The following MBP variants were observed in gnomAD, a reference collection of about 807,000 sequenced individuals.
MBP encodes the protein myelin basic protein, also known as Golli-MBP.
MBP carries 16 observed loss-of-function variants against 35.8 expected under a neutral mutation model. The observed-to-expected ratio is 0.45, with a 90% CI of 0.30 to 0.68. The LOEUF (loss-of-function observed/expected upper bound fraction) is 0.68. Among genes scored for constraint, MBP ranks in the 30% least tolerant of loss-of-function variants. The probability of loss-of-function intolerance (pLI) is 0.08; values close to 1 mark genes in which losing one functional copy is unlikely to be tolerated. For synonymous variants in MBP, 143 were observed against 159.6 expected, an observed-to-expected ratio of 0.90 and a Z score of 0.78; for missense variants, 380 against 404.7, an observed-to-expected ratio of 0.94 and a Z score of 0.52.
At chr18:77,035,549 C>T (rs997006018) in intron 3 of MBP, among the ~76,000 whole-genome samples, 13 of 152,214 alleles carry the variant, frequency 8.5e-5, no homozygotes, top group East Asian at 3.8e-4. Context: ...GGATGAGAAA[C>T]GTGCATCACT....
At chr18:76,993,579 C>G (rs900394691) in intron 4 of MBP, among the ~76,000 whole-genome samples, 1 of 151,706 alleles carries the variant, frequency 6.6e-6, no homozygotes, top group Non-Finnish European at 1.5e-5. Context: ...CAAAAGATCC[C>G]ATTTTATCCC....
Position 77,090,904 on chromosome 18 carries a change from G to A in MBP, c.51+14307C>T, listed in dbSNP as rs527275704. Among the ~76,000 whole-genome samples the A allele has an allele frequency of 1.1e-4, 16 of 152,198 alleles. No individual in the cohort carries two copies. The South Asian group carries it at 1.7e-3, about 16-fold the overall frequency. Reference sequence around the variant, plus strand: ...GGCGACCTCACACAGGACCAGGGCCGGACGGGGCAGAAGGGAGGAAGAGTT... The same window carrying A: ...GGCGACCTCACACAGGACCAGGGCCAGACGGGGCAGAAGGGAGGAAGAGTT... On this transcript the variant is annotated intron_variant, in intron 2 of 8. Transcript: ENST00000355994.
chr18:77,085,995 GGAGA>G (rs199553710), intron 2 of MBP, among the ~76,000 whole-genome samples: 2,062 of 152,150 alleles, frequency 0.014, 21 homozygotes, highest in Non-Finnish European at 0.02. Flanking sequence ...AGTGCAATAA[GGAGA>G]GAGAGAGTGA....
intron 2 of MBP, among the ~76,000 whole-genome samples, chr18:77,077,852 C>A (rs1204793845): frequency 6.6e-6 from 1 of 152,230 alleles, no homozygotes; most frequent in Non-Finnish European, 1.5e-5. Flanking sequence ...CCAGGATCAC[C>A]AAGGGAGGAT....
chr18:77,046,032 T>G (rs1449523711), intron 3 of MBP, among the ~76,000 whole-genome samples: 2 of 152,238 alleles, frequency 1.3e-5, no homozygotes, highest in Non-Finnish European at 2.9e-5. Context: ...GCTTCATTCA[T>G]GTAATATTAT....
At chr18:77,014,322 T>C in intron 4 of MBP, 1 of 984,262 alleles carries the variant, frequency 1.0e-6, no homozygotes, top group Non-Finnish European at 1.2e-6. Context: ...CACAGGAGGG[T>C]GGGAGGAGGA....
chr18:77,069,066 C>T, intron 2 of MBP: 1 of 463,194 alleles, frequency 2.2e-6, no homozygotes. Flanking sequence ...TACAGAAACT[C>T]CCAGAACAGT....
chr18:77,122,153 AAGTATT>A (rs1213619823), intron 1 of MBP, among the ~76,000 whole-genome samples: 6 of 152,212 alleles, frequency 3.9e-5, no homozygotes, highest in African/African-American at 1.4e-4. Flanking sequence ...TTTATGCAAC[AAGTATT>A]AGGGACTGTG....
chr18:77,062,137 C>A (rs370883687), intron 3 of MBP, among the ~76,000 whole-genome samples: 45 of 152,302 alleles, frequency 3.0e-4, no homozygotes, highest in African/African-American at 9.1e-4. Flanking sequence ...AGTCAGTCAC[C>A]GGGGCAGTAG....
intron 3 of MBP, among the ~76,000 whole-genome samples, chr18:77,053,956 C>A (rs991182961): frequency 6.6e-6 from 1 of 152,248 alleles, no homozygotes; most frequent in Non-Finnish European, 1.5e-5. Context: ...GACTGTACTG[C>A]CCCACTCTGC....
At chr18:77,025,705 CTTTTT>C (rs540022394) in intron 3 of MBP, among the ~76,000 whole-genome samples, 8 of 108,830 alleles carry the variant, frequency 7.4e-5, no homozygotes, top group Admixed American at 5.1e-4. Context: ...TATTGAAATA[CTTTTT>C]TTTTTTTTTT....
chr18:77,050,165 G>A (rs896501648), intron 3 of MBP, among the ~76,000 whole-genome samples: 1 of 152,152 alleles, frequency 6.6e-6, no homozygotes, highest in Non-Finnish European at 1.5e-5. Context: ...TTCATCTCTT[G>A]ACTTCAAGAA....
intron 1 of MBP, chr18:77,114,687 G>A (rs1429915341): frequency 6.6e-6 from 1 of 152,332 alleles, no homozygotes; most frequent in Non-Finnish European, 1.5e-5. Flanking sequence ...GGAGGGCAGA[G>A]TCACGCAGGC....
At chr18:77,012,727 G>A (rs1009310554) in intron 4 of MBP, 48 of 940,968 alleles carry the variant, frequency 5.1e-5, no homozygotes, top group Non-Finnish European at 6.0e-5. Context: ...GCACACTGAC[G>A]TGGTGGGGGC....
rs1238395559 is a variant in MBP at position 76,988,689 on chromosome 18, T to C, written c.718-162A>G. 15 of 1,418,614 alleles carry C rather than the reference T, an allele frequency of 1.1e-5. No homozygotes were observed. Among genetic ancestry groups the C allele is most frequent in the African/African-American group, 1.4e-5 (1 of 69,864 alleles). 87.9% of individuals were successfully genotyped at this position (1,418,614 alleles called of 1,614,324 possible). On this transcript the variant is annotated intron_variant, in intron 6 of 8. Transcript: ENST00000355994. This position sits in a 1 kb window ranked among gnomAD's most constrained non-coding sequence, Gnocchi z 5.2. ...CGCAGGCTCAGGGCCACAGCGGCTG[T>C]GCAGGTGCGGGAGGGACAGGAGGGG...
At chr18:77,013,999 A>G (rs759006742) in intron 4 of MBP, 8 of 985,288 alleles carry the variant, frequency 8.1e-6, no homozygotes, top group African/African-American at 1.7e-5. Context: ...GCACACGACA[A>G]TCTTGGCCCT....
intron 3 of MBP, among the ~76,000 whole-genome samples, chr18:77,034,826 G>A (rs58501595): frequency 6.9e-4 from 105 of 152,256 alleles, no homozygotes; most frequent in Middle Eastern, 3.4e-3. Context: ...GGTGGGCGAC[G>A]TCCTCTTTGT....
rs1035445225 is a variant in MBP at position 76,988,225 on chromosome 18, G to A, written c.750+270C>T. ...CCCTGGGAGGGAGACCAGTCACGTC[G>A]CCTGGGAACCCTCTGGGAGAAGAGG... On this transcript the variant is annotated intron_variant, in intron 7 of 8. Coordinates refer to ENST00000355994, the MANE Select transcript of MBP (RefSeq NM_001025101.2). The surrounding 1 kb of genome is among the most constrained non-coding windows in gnomAD (Gnocchi z 5.2). The A allele has an allele frequency of 3.0e-5, 47 of 1,549,310 alleles. No individual in the cohort carries two copies. The highest frequency in any genetic ancestry group is 9.8e-5 in the Admixed American group (5 of 51,002).
At chr18:77,077,541 G>A (rs1283125552) in intron 2 of MBP, among the ~76,000 whole-genome samples, 1 of 152,094 alleles carries the variant, frequency 6.6e-6, no homozygotes, top group Non-Finnish European at 1.5e-5. Flanking sequence ...CTAGACACCT[G>A]TTAAAGAAAA....
Sources: gnomAD v4.1 joint callset for allele counts (sites outside exome capture counted in the v4.1 genomes callset) on GRCh38, gnomAD v4.1.1 for gene constraint, Gnocchi (gnomAD v3.1) non-coding constraint, MANE v1.5 for transcripts, NCBI Gene and HGNC (gene_info 2026-07-23, HGNC 2026-07-21) for gene names.